MSRA: variants seen among roughly 807,000 people sequenced by gnomAD.
MSRA encodes methionine sulfoxide reductase A.
Under a neutral mutation model 31.3 loss-of-function variants are expected in MSRA, and 54 were observed. That is an observed-to-expected ratio of 1.73 (90% CI 1.39 to 2.17). MSRA has a LOEUF of 2.17. Ranked by LOEUF, MSRA falls within the 30% of genes most tolerant of loss-of-function variation. The pLI is 0.00. For synonymous variants in MSRA, 169 were observed against 116.5 expected (o/e 1.45, Z -2.90); for missense variants, 507 against 300.9 (o/e 1.69, Z -5.07).
intron 1 of MSRA, among the ~76,000 whole-genome samples, chr8:10,097,982 A>G (rs1414242338): frequency 6.6e-6 from 1 of 152,140 alleles, no homozygotes. Context: ...TCTCCCATAA[A>G]GATGTTCCTT....
At chr8:10,419,590 C>T (rs967817245) in intron 5 of MSRA, among the ~76,000 whole-genome samples, 1 of 152,180 alleles carries the variant, frequency 6.6e-6, no homozygotes, top group Non-Finnish European at 1.5e-5. Flanking sequence ...CTGCAAACTC[C>T]TCCTGACATC....
intron 1 of MSRA, among the ~76,000 whole-genome samples, chr8:10,189,621 T>G (rs1426793703): frequency 6.6e-6 from 1 of 152,222 alleles, no homozygotes; most frequent in Admixed American, 6.5e-5. Context: ...TTTAGCCAGT[T>G]AATATGGTAA....
At chr8:10,134,695 G>T (rs988677223) in intron 1 of MSRA, among the ~76,000 whole-genome samples, 1 of 152,230 alleles carries the variant, frequency 6.6e-6, no homozygotes, top group Non-Finnish European at 1.5e-5. Context: ...GAAACAGTCC[G>T]ACTGCTTTAG....
At chr8:10,311,359 CT>C (rs1175761567) in intron 4 of MSRA, among the ~76,000 whole-genome samples, 1 of 152,164 alleles carries the variant, frequency 6.6e-6, no homozygotes, top group Non-Finnish European at 1.5e-5. Context: ...TCTGAGCAAA[CT>C]TGTTAATCCC....
chr8:10,353,101 C>T (rs1195424845), intron 5 of MSRA, among the ~76,000 whole-genome samples: 1 of 152,104 alleles, frequency 6.6e-6, no homozygotes, highest in African/African-American at 2.4e-5. Flanking sequence ...TTTTCTGTAA[C>T]CACAGGCCTG....
intron 2 of MSRA, among the ~76,000 whole-genome samples, chr8:10,235,763 G>T (rs1811883341): frequency 6.6e-6 from 1 of 152,058 alleles, no homozygotes; most frequent in African/African-American, 2.4e-5. Flanking sequence ...TTCTAATGCG[G>T]TGTTACATAG....
In MSRA at chr8:10,216,704, C is replaced by T. The variant is rs28465315; in HGVS notation, c.211+8803C>T. Reference sequence around the variant, plus strand: ...CTTTTGTGACTGGCTTATTCTACTTCGCATAATGTCTTCAAAGTTCATCCA... The same window carrying T: ...CTTTTGTGACTGGCTTATTCTACTTTGCATAATGTCTTCAAAGTTCATCCA... On this transcript the variant is annotated intron_variant, in intron 2 of 5. Coordinates refer to ENST00000317173, the MANE Select transcript of MSRA (RefSeq NM_012331.5). Among the ~76,000 whole-genome samples, 38 of 152,202 alleles carry T rather than the reference C, an allele frequency of 2.5e-4. No homozygotes were observed. The South Asian group carries it at 6.8e-3, about 27-fold the overall frequency.
At chr8:10,197,699 A>G (rs990788648) in intron 1 of MSRA, among the ~76,000 whole-genome samples, 4 of 152,136 alleles carry the variant, frequency 2.6e-5, no homozygotes, top group East Asian at 3.9e-4. Flanking sequence ...CCCTGCCTAC[A>G]CATGCCCACC....
At chr8:10,410,246 A>G (rs1397936811) in intron 5 of MSRA, among the ~76,000 whole-genome samples, 1 of 152,158 alleles carries the variant, frequency 6.6e-6, no homozygotes, top group East Asian at 1.9e-4. Context: ...ACACTCTCGT[A>G]TGGAAAGTCT....
chr8:10,242,961 C>T (rs1797414714), intron 2 of MSRA, among the ~76,000 whole-genome samples: 1 of 152,148 alleles, frequency 6.6e-6, no homozygotes, highest in South Asian at 2.1e-4. Context: ...GTCATTCATC[C>T]TCCTCCTCAT....
intron 2 of MSRA, among the ~76,000 whole-genome samples, chr8:10,230,664 T>C (rs767446932): frequency 6.6e-6 from 1 of 152,234 alleles, no homozygotes; most frequent in African/African-American, 2.4e-5. Context: ...ATACTTCTTA[T>C]AGAAATTTGG....
rs1585135713 is a variant in MSRA at position 10,096,216 on chromosome 8, T to G, written c.142+41558T>G. The G allele has an allele frequency of 4.0e-6, 5 of 1,249,450 alleles. No homozygotes were observed. In the East Asian group the frequency reaches 1.6e-4, roughly 39 times the overall value. 77.4% of individuals were successfully genotyped at this position (1,249,450 alleles called of 1,614,324 possible). On this transcript the variant is annotated intron_variant, in intron 1 of 5. Transcript: ENST00000317173. ...AGCAACAGCTTTTATTTCTGCTGCT[T>G]CATGCTGTCCTAAACTACATCCCCC...
chr8:10,145,543 G>A (rs547885764), intron 1 of MSRA, among the ~76,000 whole-genome samples: 47 of 152,296 alleles, frequency 3.1e-4, no homozygotes, highest in South Asian at 8.3e-4. Context: ...CTGAAGAGGC[G>A]TGTTTGTGAG....
intron 1 of MSRA, among the ~76,000 whole-genome samples, chr8:10,082,079 A>G (rs1280632635): frequency 6.6e-6 from 1 of 151,960 alleles, no homozygotes; most frequent in Admixed American, 6.6e-5. Context: ...GGTGGTGTGC[A>G]CCCGTAGTCC....
intron 4 of MSRA, among the ~76,000 whole-genome samples, chr8:10,316,554 CTCTCTCTCTCTCT>C (rs1801732600): frequency 1.8e-5 from 2 of 108,548 alleles, no homozygotes; most frequent in Admixed American, 7.9e-5. Context: ...CTCTCTCTCT[CTCTCTCTCTCTCT>C]CTCTCTCCTT....
intron 1 of MSRA, among the ~76,000 whole-genome samples, chr8:10,116,642 G>T (rs1051371822): frequency 1.3e-5 from 2 of 152,112 alleles, no homozygotes; most frequent in African/African-American, 4.8e-5. Flanking sequence ...ACGGAGCAGG[G>T]TCTGCCAACA....
At chr8:10,190,533 G>A (rs114798043) in intron 1 of MSRA, among the ~76,000 whole-genome samples, 2,872 of 152,326 alleles carry the variant, frequency 0.019, 82 homozygotes, top group African/African-American at 0.064. Context: ...CTTCTCAGCC[G>A]TCTGGTGGCT....
intron 4 of MSRA, among the ~76,000 whole-genome samples, chr8:10,301,999 T>G (rs1299676889): frequency 1.3e-5 from 2 of 152,236 alleles, no homozygotes; most frequent in Non-Finnish European, 2.9e-5. Context: ...GATTCCTGAT[T>G]TATGGTTTCT....
chr8:10,221,646 A>G (rs976519114), intron 2 of MSRA, among the ~76,000 whole-genome samples: 4 of 152,170 alleles, frequency 2.6e-5, no homozygotes, highest in African/African-American at 7.2e-5. Context: ...CTTATACTCC[A>G]GTAGGGTGGG....
Sources: gnomAD v4.1 joint callset for allele counts (sites outside exome capture counted in the v4.1 genomes callset) on GRCh38, gnomAD v4.1.1 for gene constraint, MANE v1.5 for transcripts, NCBI Gene and HGNC (gene_info 2026-07-23, HGNC 2026-07-21) for gene names.